RXFP1: variants seen among roughly 807,000 people sequenced by gnomAD.
RXFP1 encodes relaxin receptor 1.
RXFP1 carries 73 observed loss-of-function variants against 89.8 expected under a neutral mutation model. The observed-to-expected ratio is 0.81, with a 90% confidence interval of 0.67 to 0.99. The LOEUF (loss-of-function observed/expected upper bound fraction) is 0.99, where lower values mean the gene tolerates loss of function less well. Among genes scored for constraint, RXFP1 ranks in the 50% least tolerant of loss-of-function variants. RXFP1 has a pLI of 0.00. For missense variants in RXFP1, 793 were observed against 895.5 expected (o/e 0.89, Z 1.46); for synonymous variants, 277 against 305.5 (o/e 0.91, Z 0.97).
At position 158,648,558 on chromosome 4, in the gene RXFP1, G is replaced by A; in HGVS notation, c.1816G>A (p.Val606Ile). 6.2e-7 allele frequency: 1 copy of A among 1,613,080 alleles called. No homozygotes were observed. The highest frequency in any genetic ancestry group is 8.5e-7 in the Non-Finnish European group (1 of 1,179,456). ...VFSYGSMFYS[V>I]HQSAITATEI... ...TTCCTATGGAAGCATGTTTTATAGT[G>A]TTCATCAAAGTGCCATAACAGCAAC... is the stretch of plus-strand genomic sequence containing the variant. Residue 606 changes from valine (V) to isoleucine (I), a missense_variant, in exon 17 of 18, where the codon GTT becomes ATT. Val to Ile is a conservative substitution (Grantham distance 29, BLOSUM62 3). Coordinates refer to ENST00000307765, the MANE Select transcript of RXFP1 (RefSeq NM_021634.4).
intron 1 of RXFP1, among the ~76,000 whole-genome samples, chr4:158,564,614 C>T (rs1256896274): frequency 6.6e-6 from 1 of 152,062 alleles, no homozygotes; most frequent in Non-Finnish European, 1.5e-5. Context: ...AAATTGTCAA[C>T]CACTTAAAAA....
chr4:158,599,106 T>C (rs528893278), intron 3 of RXFP1: 2 of 567,926 alleles, frequency 3.5e-6, no homozygotes, highest in Non-Finnish European at 6.1e-6. Flanking sequence ...CATGAGCTAG[T>C]GTGTGTTTCC....
At chr4:158,533,075 A>T (rs550265231) in intron 1 of RXFP1, among the ~76,000 whole-genome samples, 1 of 152,174 alleles carries the variant, frequency 6.6e-6, no homozygotes, top group East Asian at 1.9e-4. Flanking sequence ...CTTAACCCTT[A>T]ACTCTCTAGA....
intron 1 of RXFP1, among the ~76,000 whole-genome samples, chr4:158,548,935 T>A (rs1380120405): frequency 6.6e-6 from 1 of 151,792 alleles, no homozygotes; most frequent in East Asian, 1.9e-4. Context: ...AGTCTTGGAG[T>A]TGCTCTTCTC....
chr4:158,525,062 A>G (rs1401161516), intron 1 of RXFP1, among the ~76,000 whole-genome samples: 1 of 152,178 alleles, frequency 6.6e-6, no homozygotes, highest in South Asian at 2.1e-4. Flanking sequence ...ACTATGAAGA[A>G]GAGAAAAGGA....
At chr4:158,618,409 A>G (rs1764994216) in intron 9 of RXFP1, among the ~76,000 whole-genome samples, 1 of 152,250 alleles carries the variant, frequency 6.6e-6, no homozygotes, top group Admixed American at 6.5e-5. Flanking sequence ...ATAAACATCA[A>G]AATGATTAAG....
chr4:158,629,834 G>A (rs1767686087), intron 11 of RXFP1, among the ~76,000 whole-genome samples: 1 of 151,586 alleles, frequency 6.6e-6, no homozygotes, highest in Admixed American at 6.6e-5. Flanking sequence ...TGTGTTGCTG[G>A]GGCTGGCCTA....
intron 1 of RXFP1, among the ~76,000 whole-genome samples, chr4:158,560,568 T>C (rs138058946): frequency 1.8e-3 from 274 of 152,344 alleles, no homozygotes; most frequent in African/African-American, 6.3e-3. Flanking sequence ...TGACCCGGCA[T>C]GGCCTAAACA....
chr4:158,563,496 GCACACACACACACA>G (rs145181248), intron 1 of RXFP1, among the ~76,000 whole-genome samples: 16 of 142,410 alleles, frequency 1.1e-4, no homozygotes, highest in Admixed American at 7.0e-5. Context: ...AGAATTCAAT[GCACACACACACACA>G]CACACACACA....
intron 2 of RXFP1, among the ~76,000 whole-genome samples, chr4:158,576,919 TTG>T (rs1249218135): frequency 2.0e-5 from 3 of 152,188 alleles, no homozygotes; most frequent in Admixed American, 2.0e-4. Flanking sequence ...TTATTTCTGT[TTG>T]TCTCTAATTG....
At chr4:158,526,954 A>G (rs1339317668) in intron 1 of RXFP1, among the ~76,000 whole-genome samples, 1 of 152,068 alleles carries the variant, frequency 6.6e-6, no homozygotes, top group Non-Finnish European at 1.5e-5. Context: ...TTGCTCCAGG[A>G]ACTCAAGTTC....
At chr4:158,605,204 C>T in intron 5 of RXFP1, 65 bp downstream of exon 5, 2 of 934,754 alleles carry the variant, frequency 2.1e-6, no homozygotes, top group South Asian at 3.0e-5. Context: ...CTTTTTCTTC[C>T]TACTTCTGTG....
intron 1 of RXFP1, among the ~76,000 whole-genome samples, chr4:158,559,008 A>G (rs993656224): frequency 2.0e-5 from 3 of 152,256 alleles, no homozygotes; most frequent in African/African-American, 7.2e-5. Context: ...CTTATTCAAG[A>G]TCTGTGTTTA....
intron 1 of RXFP1, among the ~76,000 whole-genome samples, chr4:158,535,410 T>G (rs1461795390): frequency 6.6e-6 from 1 of 152,190 alleles, no homozygotes; most frequent in Non-Finnish European, 1.5e-5. Flanking sequence ...TGTGAGAAAC[T>G]GAAAGCAATC....
chr4:158,563,072 C>T (rs2149950859), intron 1 of RXFP1, among the ~76,000 whole-genome samples: 1 of 152,304 alleles, frequency 6.6e-6, no homozygotes, highest in Admixed American at 6.5e-5. Context: ...CCTATCCATC[C>T]TTTAAGGATA....
intron 8 of RXFP1, among the ~76,000 whole-genome samples, chr4:158,614,593 T>C (rs180767699): frequency 6.6e-6 from 1 of 152,338 alleles, no homozygotes; most frequent in Non-Finnish European, 1.5e-5. Context: ...TCAGCCTTCA[T>C]AGAATGAAGC....
At chr4:158,527,564 A>AAAATATATATATAT (rs5741905) in intron 1 of RXFP1, among the ~76,000 whole-genome samples, 4,516 of 98,166 alleles carry the variant, frequency 0.046, 172 homozygotes, top group South Asian at 0.13. Flanking sequence ...AAAAAAAAAA[A>AAAATATATATATAT]ATATATATAT....
intron 1 of RXFP1, among the ~76,000 whole-genome samples, chr4:158,563,243 G>C (rs1423772537): frequency 6.6e-6 from 1 of 152,112 alleles, no homozygotes; most frequent in African/African-American, 2.4e-5. Context: ...TCTGCATCTG[G>C]CATCTGTTGA....
At chr4:158,541,533 T>G (rs1231072454) in intron 1 of RXFP1, among the ~76,000 whole-genome samples, 1 of 152,194 alleles carries the variant, frequency 6.6e-6, no homozygotes, top group Non-Finnish European at 1.5e-5. Context: ...AAATATTTCC[T>G]AAACTTATTT....
Sources: allele counts gnomAD v4.1 joint callset (sites outside exome capture counted in the v4.1 genomes callset), GRCh38; gene constraint gnomAD v4.1.1; transcripts MANE v1.5; gene names NCBI Gene and HGNC (gene_info 2026-07-23, HGNC 2026-07-21).